The following TENM3 variants were observed in gnomAD, a reference collection of about 807,000 sequenced individuals.
TENM3 encodes teneurin-3.
In TENM3, 63 loss-of-function variants were observed where a neutral mutation model predicts 255.1. That is an observed-to-expected ratio of 0.25 (90% CI 0.20 to 0.30). TENM3 has a LOEUF of 0.30. Ranked by LOEUF, TENM3 falls within the 10% of genes least tolerant of loss-of-function variation. The pLI is 1.00. For synonymous variants in TENM3, 1,306 were observed against 1,322.3 expected (o/e 0.99, Z 0.27); for missense variants, 2,929 against 3,461.1 (o/e 0.85, Z 3.86).
upstream of TENM3, among the ~76,000 whole-genome samples, chr4:182,239,446 A>G (rs1294639116): frequency 2.0e-5 from 3 of 152,122 alleles, no homozygotes; most frequent in Non-Finnish European, 4.4e-5. Context: ...TGCTTAATTT[A>G]TTGAATTCTT....
At chr4:182,677,467 A>G (rs1018341093) in intron 7 of TENM3, among the ~76,000 whole-genome samples, 5 of 152,278 alleles carry the variant, frequency 3.3e-5, no homozygotes, top group Admixed American at 3.3e-4. Context: ...ATAAAAAGAA[A>G]CTTTTTCTTG....
chr4:182,275,630 A>T (rs1443298990), intron 1 of TENM3, among the ~76,000 whole-genome samples: 2 of 151,244 alleles, frequency 1.3e-5, no homozygotes, highest in Non-Finnish European at 3.0e-5. Context: ...AGTACTCTTT[A>T]AAAAAAAAGA....
chr4:181,645,755 G>C, the TENM3 span, among the ~76,000 whole-genome samples: 1 of 152,156 alleles, frequency 6.6e-6, no homozygotes, highest in African/African-American at 2.4e-5. Context: ...TGGAAGACTG[G>C]AAGACTGCCA....
At chr4:182,286,603 G>A (rs1760743545) in intron 1 of TENM3, among the ~76,000 whole-genome samples, 1 of 152,202 alleles carries the variant, frequency 6.6e-6, no homozygotes, top group African/African-American at 2.4e-5. Flanking sequence ...CCTAGCTCTT[G>A]ACAAGCTTTA....
chr4:181,835,689 G>T, the TENM3 span, among the ~76,000 whole-genome samples: 1 of 152,168 alleles, frequency 6.6e-6, no homozygotes, highest in Non-Finnish European at 1.5e-5. Context: ...ATTTAATGAA[G>T]AACGTGATGA....
intron 1 of TENM3, among the ~76,000 whole-genome samples, chr4:182,245,377 G>A (rs1308282886): frequency 6.6e-6 from 1 of 152,206 alleles, no homozygotes; most frequent in Admixed American, 6.5e-5. Flanking sequence ...TCATTTCTTT[G>A]CTGTTGTTGT....
the TENM3 span, among the ~76,000 whole-genome samples, chr4:181,988,807 G>A: frequency 4.0e-5 from 6 of 150,340 alleles, no homozygotes; most frequent in Non-Finnish European, 7.4e-5. Flanking sequence ...TTTTTTCAGC[G>A]CCTTCTCTTG....
At chr4:181,700,713 G>T in the TENM3 span, among the ~76,000 whole-genome samples, 1 of 152,212 alleles carries the variant, frequency 6.6e-6, no homozygotes, top group Middle Eastern at 3.4e-3. Flanking sequence ...AAAAAGTAAA[G>T]TCCCCTTTAT....
chr4:182,605,578 C>T (rs1262516466), intron 4 of TENM3, among the ~76,000 whole-genome samples: 2 of 151,508 alleles, frequency 1.3e-5, no homozygotes, highest in Non-Finnish European at 2.9e-5. Context: ...AATATGGCAC[C>T]TTTTATAACT....
At chr4:182,359,984 T>C (rs888365053) in intron 3 of TENM3, among the ~76,000 whole-genome samples, 2 of 152,184 alleles carry the variant, frequency 1.3e-5, no homozygotes, top group African/African-American at 4.8e-5. Flanking sequence ...ATGTACCCAA[T>C]AGTCATTCAG....
chr4:181,705,035 CAAAAACAAAACAAAACAAA>C, the TENM3 span, among the ~76,000 whole-genome samples: 1,115 of 42,382 alleles, frequency 0.026, 16 homozygotes, highest in African/African-American at 0.08. Context: ...GACTCCATCT[CAAAAACAAAACAAAACAAA>C]AAAAAAAAAA....
intron 3 of TENM3, among the ~76,000 whole-genome samples, chr4:182,575,517 TAA>T (rs1418106046): frequency 2.6e-5 from 4 of 152,178 alleles, no homozygotes; most frequent in Non-Finnish European, 5.9e-5. Context: ...ACTTCTGGTT[TAA>T]AAAGAGACAC....
the TENM3 span, among the ~76,000 whole-genome samples, chr4:181,612,165 T>C: frequency 2.0e-5 from 3 of 152,156 alleles, no homozygotes; most frequent in Non-Finnish European, 4.4e-5. Flanking sequence ...TGTGTCATAG[T>C]TTCATTCATC....
the TENM3 span, among the ~76,000 whole-genome samples, chr4:181,744,115 G>A: frequency 1.3e-5 from 2 of 152,282 alleles, no homozygotes; most frequent in Admixed American, 6.5e-5. Context: ...GAGGATAACA[G>A]CTTCCAAATC....
At chr4:182,197,915 G>A (rs770247808) in intron 1 of TENM3, among the ~76,000 whole-genome samples, 7 of 152,128 alleles carry the variant, frequency 4.6e-5, no homozygotes, top group South Asian at 4.2e-4. Flanking sequence ...GACCAGGCTC[G>A]CCAACATGGT....
At chr4:181,844,558 CT>C in the TENM3 span, among the ~76,000 whole-genome samples, 1 of 151,852 alleles carries the variant, frequency 6.6e-6, no homozygotes, top group Non-Finnish European at 1.5e-5. Flanking sequence ...GTCCCAGCTA[CT>C]CGGGAGGCTG....
At chr4:182,701,093 T>C (rs1351618777) in intron 12 of TENM3, among the ~76,000 whole-genome samples, 1 of 151,966 alleles carries the variant, frequency 6.6e-6, no homozygotes, top group East Asian at 1.9e-4. Flanking sequence ...ACAGAAAGCA[T>C]GTGGTTAAAC....
the TENM3 span, among the ~76,000 whole-genome samples, chr4:182,022,819 A>G: frequency 3.3e-5 from 5 of 152,214 alleles, no homozygotes; most frequent in African/African-American, 1.2e-4. Flanking sequence ...TGAAATCAGA[A>G]AATAATTTTT....
chr4:181,893,499 C>G, the TENM3 span, among the ~76,000 whole-genome samples: 4 of 104,318 alleles, frequency 3.8e-5, no homozygotes, highest in East Asian at 3.6e-4. Flanking sequence ...CCACCCCCCC[C>G]CCACCCCCAC....
Sources: gnomAD v4.1 joint callset for allele counts (sites outside exome capture counted in the v4.1 genomes callset) on GRCh38, gnomAD v4.1.1 for gene constraint, MANE v1.5 for transcripts, NCBI Gene and HGNC (gene_info 2026-07-23, HGNC 2026-07-21) for gene names.